RAB33A: variants seen among roughly 807,000 people sequenced by gnomAD.
RAB33A encodes ras-related protein Rab-33A.
RAB33A carries 6 observed loss-of-function variants against 12.0 expected under a neutral mutation model. That is an observed-to-expected ratio of 0.50 (90% CI 0.27 to 0.99). RAB33A has a LOEUF of 0.99. Ranked by LOEUF, RAB33A falls within the 50% of genes least tolerant of loss-of-function variation. The pLI is 0.11. For missense variants in RAB33A, 109 were observed against 192.0 expected (o/e 0.57, Z 2.55); for synonymous variants, 70 against 82.4 (o/e 0.85, Z 0.81).
At chrX:130,145,128 A>C in the RAB33A span, among the ~76,000 whole-genome samples, 1 of 112,566 alleles carries the variant, frequency 8.9e-6, no homozygotes, top group Non-Finnish European at 1.9e-5. Context: ...GTGCTGAGTT[A>C]TGCCCAAATT....
chrX:130,135,439 T>TAAA, the RAB33A span, among the ~76,000 whole-genome samples: 111 of 72,904 alleles, frequency 1.5e-3, no homozygotes, highest in Middle Eastern at 7.2e-3. Flanking sequence ...TTTTTTTTTT[T>TAAA]AAAAAAAAAA....
chrX:130,165,733 C>T, the RAB33A span: 1 of 842,175 alleles, frequency 1.2e-6, no homozygotes. Flanking sequence ...CCGTGAGCCC[C>T]GGCCAGCTCC....
At chrX:130,166,679 C>T in the RAB33A span, among the ~76,000 whole-genome samples, 76 of 112,405 alleles carry the variant, frequency 6.8e-4, no homozygotes, top group Middle Eastern at 4.6e-3. Context: ...GCACTTACCT[C>T]TTGGATTGTA....
At chrX:130,184,234 C>A in intron 1 of RAB33A, 51 bp from the exon 2 acceptor site, 1 of 1,088,524 alleles carries the variant, frequency 9.2e-7, no homozygotes, top group South Asian at 2.0e-5. Context: ...TTTCTCCTCT[C>A]TGTTCATGTT....
At chrX:130,166,220 G>A in the RAB33A span, among the ~76,000 whole-genome samples, 1 of 111,763 alleles carries the variant, frequency 8.9e-6, no homozygotes, top group African/African-American at 3.3e-5. Context: ...GTTTTTCCAT[G>A]AGTCCGAGGC....
At chrX:130,143,937 G>T in the RAB33A span, among the ~76,000 whole-genome samples, 2 of 111,544 alleles carry the variant, frequency 1.8e-5, no homozygotes, top group Non-Finnish European at 3.8e-5. Context: ...CTGTGGCTCA[G>T]ACAGACCCGG....
chrX:130,145,749 T>A, the RAB33A span, among the ~76,000 whole-genome samples: 1 of 112,056 alleles, frequency 8.9e-6, no homozygotes, highest in Non-Finnish European at 1.9e-5. Flanking sequence ...AGATCAGTGG[T>A]TCTCAACTTG....
the RAB33A span, among the ~76,000 whole-genome samples, chrX:130,158,736 CAA>C: frequency 1.3e-5 from 1 of 79,265 alleles, no homozygotes; most frequent in Non-Finnish European, 2.5e-5. Context: ...AAAAAAATCG[CAA>C]AAAAATCTCA....
At chrX:130,164,545 A>AT in the RAB33A span, among the ~76,000 whole-genome samples, 5 of 111,173 alleles carry the variant, frequency 4.5e-5, no homozygotes, top group African/African-American at 6.5e-5. Context: ...AGGATTACTG[A>AT]TTTTTTTTTC....
chrX:130,169,661 C>T (rs1200465026), upstream of RAB33A, among the ~76,000 whole-genome samples: 1 of 112,005 alleles, frequency 8.9e-6, no homozygotes, highest in African/African-American at 3.2e-5. Context: ...GGCAAGAAGC[C>T]CATTTTGAGA....
chrX:130,139,847 G>A, the RAB33A span: 1 of 1,210,584 alleles, frequency 8.3e-7, no homozygotes. Flanking sequence ...CCTATCAATG[G>A]CAGACAGACT....
chrX:130,146,745 A>G, the RAB33A span, among the ~76,000 whole-genome samples: 53,084 of 110,007 alleles, frequency 0.48, 9,925 homozygotes, highest in African/African-American at 0.67. Flanking sequence ...ATTCTAACAC[A>G]GGCTCTTCCT....
chrX:130,181,444 G>A (rs189314888), intron 1 of RAB33A, among the ~76,000 whole-genome samples: 20 of 112,115 alleles, frequency 1.8e-4, no homozygotes, highest in African/African-American at 6.2e-4. Flanking sequence ...TAGGGCCTTG[G>A]GACCATCATT....
chrX:130,112,947 A>T, the RAB33A span, among the ~76,000 whole-genome samples: 5 of 108,995 alleles, frequency 4.6e-5, no homozygotes, highest in Admixed American at 2.9e-4. Context: ...GTGTGTATTT[A>T]TGGGTTACAT....
At chrX:130,163,825 A>T in the RAB33A span, among the ~76,000 whole-genome samples, 2 of 111,385 alleles carry the variant, frequency 1.8e-5, no homozygotes, top group Non-Finnish European at 3.8e-5. Context: ...TAAGCAAAAC[A>T]ACTACTCAAA....
chrX:130,126,498 A>G, the RAB33A span, among the ~76,000 whole-genome samples: 2 of 108,135 alleles, frequency 1.8e-5, no homozygotes, highest in Non-Finnish European at 3.8e-5. Flanking sequence ...CTCAAAAAGA[A>G]AAAAAAAAAG....
chrX:130,111,530 T>A, the RAB33A span, among the ~76,000 whole-genome samples: 2 of 112,519 alleles, frequency 1.8e-5, no homozygotes, highest in Non-Finnish European at 3.8e-5. Flanking sequence ...CGCAGAATCC[T>A]GGGCGTAACA....
chrX:130,130,169 G>A, the RAB33A span: 1 of 1,211,525 alleles, frequency 8.3e-7, no homozygotes, highest in Non-Finnish European at 1.1e-6. Flanking sequence ...ACCAGTTCCT[G>A]TGGCCAGCCC....
At chrX:130,147,879 G>A in the RAB33A span, 1 of 1,211,143 alleles carries the variant, frequency 8.3e-7, no homozygotes, top group South Asian at 1.8e-5. Context: ...TTCTGAAGCT[G>A]AAAGCAACAG....
Sources: gnomAD v4.1 joint callset for allele counts (sites outside exome capture counted in the v4.1 genomes callset) on GRCh38, gnomAD v4.1.1 for gene constraint, MANE v1.5 for transcripts, NCBI Gene and HGNC (gene_info 2026-07-23, HGNC 2026-07-21) for gene names.